The following XKR9 variants were observed in gnomAD, a reference collection of about 807,000 sequenced individuals.
XKR9 encodes XK-related protein 9.
In XKR9, 32 loss-of-function variants were observed where a neutral mutation model predicts 32.0. That is an observed-to-expected ratio of 1.00 (90% CI 0.76 to 1.34). The LOEUF (loss-of-function observed/expected upper bound fraction) is 1.34. Ranked by LOEUF, XKR9 falls within the 40% of genes most tolerant of loss-of-function variation. XKR9 has a pLI of 0.00. For synonymous variants in XKR9, 168 were observed against 143.4 expected, an observed-to-expected ratio of 1.17 and a Z score of -1.22; for missense variants, 546 against 429.7, an observed-to-expected ratio of 1.27 and a Z score of -2.39.
chr8:70,857,227 CA>C, the XKR9 span, among the ~76,000 whole-genome samples: 1 of 151,898 alleles, frequency 6.6e-6, no homozygotes, highest in African/African-American at 2.4e-5. Context: ...AGACCACTAG[CA>C]AGACTAATAA....
chr8:70,953,042 G>T, the XKR9 span, among the ~76,000 whole-genome samples: 10 of 152,342 alleles, frequency 6.6e-5, no homozygotes, highest in East Asian at 1.5e-3. Context: ...TTCTAGACGT[G>T]CAGGAGGATG....
At chr8:70,787,306 T>C (rs1208330768) in intron 2 of XKR9, among the ~76,000 whole-genome samples, 1 of 152,152 alleles carries the variant, frequency 6.6e-6, no homozygotes, top group African/African-American at 2.4e-5. Context: ...TCTCTAAAAG[T>C]AACCCTGGAG....
At chr8:70,988,781 C>T in the XKR9 span, among the ~76,000 whole-genome samples, 1 of 152,194 alleles carries the variant, frequency 6.6e-6, no homozygotes, top group East Asian at 1.9e-4. Flanking sequence ...ACTTTTTCAT[C>T]TTACAATGCT....
the XKR9 span, among the ~76,000 whole-genome samples, chr8:70,838,058 G>A: frequency 6.6e-6 from 1 of 151,936 alleles, no homozygotes; most frequent in African/African-American, 2.4e-5. Flanking sequence ...AAAAGTTTTT[G>A]TTCCTTTATT....
At chr8:70,863,127 T>G in the XKR9 span, among the ~76,000 whole-genome samples, 44 of 152,268 alleles carry the variant, frequency 2.9e-4, no homozygotes, top group African/African-American at 1.0e-3. Context: ...CCTTGAGGGC[T>G]ATGTTAAGCA....
the XKR9 span, among the ~76,000 whole-genome samples, chr8:70,967,778 C>A: frequency 6.6e-6 from 1 of 151,870 alleles, no homozygotes; most frequent in South Asian, 2.1e-4. Flanking sequence ...TCTCTTCTGG[C>A]TTGTAGGGTT....
intron 1 of XKR9, chr8:70,670,486 C>T (rs1374190677): frequency 1.3e-5 from 2 of 151,484 alleles, no homozygotes; most frequent in Non-Finnish European, 2.9e-5. Context: ...AGATGTAGAA[C>T]ATATCCACTG....
the XKR9 span, among the ~76,000 whole-genome samples, chr8:70,958,623 T>A: frequency 6.6e-6 from 1 of 152,194 alleles, no homozygotes; most frequent in Admixed American, 6.5e-5. Flanking sequence ...AATTGCAAAA[T>A]TTTTCTCCTA....
At chr8:71,027,719 G>T in the XKR9 span, among the ~76,000 whole-genome samples, 2 of 149,244 alleles carry the variant, frequency 1.3e-5, no homozygotes, top group Non-Finnish European at 3.0e-5. Flanking sequence ...AGGGTCTTTT[G>T]TGGTTTCATA....
At chr8:70,776,947 C>CTCTCTCTCTCTCTATATATATATATATA in intron 2 of XKR9, among the ~76,000 whole-genome samples, 30 of 54,184 alleles carry the variant, frequency 5.5e-4, no homozygotes, top group African/African-American at 1.9e-3. Flanking sequence ...CTCTCTCTCT[C>CTCTCTCTCTCTCTATATATATATATATA]TATATATATA....
At chr8:70,697,051 C>G (rs1266587815) in intron 3 of XKR9, among the ~76,000 whole-genome samples, 2,644 of 151,392 alleles carry the variant, frequency 0.017, 31 homozygotes, top group Non-Finnish European at 0.029. Context: ...GAGACTTTGC[C>G]GAAGTTGCTT....
downstream of XKR9, among the ~76,000 whole-genome samples, chr8:70,794,679 C>T (rs1295967944): frequency 6.6e-6 from 1 of 151,816 alleles, no homozygotes; most frequent in Non-Finnish European, 1.5e-5. Flanking sequence ...GTTGAACCAA[C>T]CTTTATTCCT....
At chr8:70,806,467 C>T in the XKR9 span, among the ~76,000 whole-genome samples, 47 of 152,216 alleles carry the variant, frequency 3.1e-4, no homozygotes, top group South Asian at 8.3e-4. Context: ...TAAAAAACTA[C>T]GCTGAGCTAA....
chr8:70,755,149 C>G (rs940032934), intron 2 of XKR9, among the ~76,000 whole-genome samples: 4 of 152,174 alleles, frequency 2.6e-5, no homozygotes, highest in African/African-American at 7.2e-5. Context: ...CCAAAAGACA[C>G]ATGAAAAAAT....
At chr8:70,851,195 G>T in the XKR9 span, among the ~76,000 whole-genome samples, 1 of 152,030 alleles carries the variant, frequency 6.6e-6, no homozygotes, top group Non-Finnish European at 1.5e-5. Flanking sequence ...GCTACAAAGA[G>T]AATAAAATAC....
chr8:70,961,135 A>C, the XKR9 span, among the ~76,000 whole-genome samples: 1 of 152,380 alleles, frequency 6.6e-6, no homozygotes, highest in South Asian at 2.1e-4. Context: ...GCATCACTGC[A>C]TTCCAGGCTG....
At chr8:70,699,052 T>C (rs970815272) in intron 3 of XKR9, among the ~76,000 whole-genome samples, 3 of 152,158 alleles carry the variant, frequency 2.0e-5, no homozygotes, top group African/African-American at 7.2e-5. Context: ...TCTTCCTCCA[T>C]CCTTTTATTT....
the XKR9 span, among the ~76,000 whole-genome samples, chr8:70,936,724 G>C: frequency 6.6e-6 from 1 of 151,934 alleles, no homozygotes; most frequent in Non-Finnish European, 1.5e-5. Context: ...ACCCGACTGA[G>C]GGACCAAATG....
At chr8:70,998,160 CAGTT>C in the XKR9 span, among the ~76,000 whole-genome samples, 1 of 152,216 alleles carries the variant, frequency 6.6e-6, no homozygotes, top group Non-Finnish European at 1.5e-5. Context: ...CCATTTTTCT[CAGTT>C]AGTAATAACA....
Sources: allele counts gnomAD v4.1 joint callset (sites outside exome capture counted in the v4.1 genomes callset), GRCh38; gene constraint gnomAD v4.1.1; transcripts MANE v1.5; gene names NCBI Gene and HGNC (gene_info 2026-07-23, HGNC 2026-07-21).